The following MEIKIN variants were observed in gnomAD, a reference collection of about 807,000 sequenced individuals.
The protein encoded by MEIKIN is meiotic kinetochore factor.
At chr5:131,837,267 G>A (rs566040670) in intron 11 of MEIKIN, among the ~76,000 whole-genome samples, 1 of 152,272 alleles carries the variant, frequency 6.6e-6, no homozygotes, top group East Asian at 1.9e-4. Flanking sequence ...CTATAGTCCT[G>A]TAGTATAGTT....
intron 8 of MEIKIN, among the ~76,000 whole-genome samples, chr5:131,887,329 G>T (rs545823880): frequency 1.1e-3 from 172 of 152,266 alleles, no homozygotes; most frequent in African/African-American, 4.0e-3. Flanking sequence ...ATAGTAGCAT[G>T]ATTTATAACC....
intron 9 of MEIKIN, among the ~76,000 whole-genome samples, chr5:131,874,274 G>A (rs1750566589): frequency 6.6e-6 from 1 of 152,038 alleles, no homozygotes; most frequent in Non-Finnish European, 1.5e-5. Context: ...AGAAAAGAGA[G>A]AAGAATCAAA....
intron 12 of MEIKIN, among the ~76,000 whole-genome samples, chr5:131,813,959 G>A (rs1041152276): frequency 6.6e-6 from 1 of 152,130 alleles, no homozygotes; most frequent in African/African-American, 2.4e-5. Flanking sequence ...TGAAAAACTT[G>A]GAGTTCGATG....
intron 8 of MEIKIN, among the ~76,000 whole-genome samples, chr5:131,892,896 G>A (rs1186832863): frequency 6.6e-6 from 1 of 152,064 alleles, no homozygotes; most frequent in African/African-American, 2.4e-5. Context: ...GGTTTTTGGT[G>A]CGGATGTCCT....
At chr5:131,928,330 G>A (rs971040932) in intron 5 of MEIKIN, among the ~76,000 whole-genome samples, 1 of 151,980 alleles carries the variant, frequency 6.6e-6, no homozygotes, top group African/African-American at 2.4e-5. Context: ...TAATTCTTTT[G>A]TCCCTTTTTC....
At chr5:131,938,930 A>G (rs1751826765) in intron 4 of MEIKIN, among the ~76,000 whole-genome samples, 1 of 152,238 alleles carries the variant, frequency 6.6e-6, no homozygotes, top group Admixed American at 6.5e-5. Context: ...GTATTTAGAC[A>G]GGGACCAGGC....
chr5:131,858,190 G>C (rs901917350), intron 9 of MEIKIN, among the ~76,000 whole-genome samples: 8 of 152,206 alleles, frequency 5.3e-5, no homozygotes, highest in African/African-American at 1.4e-4. Flanking sequence ...TAGGAATGCT[G>C]AGCTGAGCTC....
At chr5:131,845,282 A>AG (rs1257649390) in intron 11 of MEIKIN, among the ~76,000 whole-genome samples, 1 of 149,008 alleles carries the variant, frequency 6.7e-6, no homozygotes, top group Non-Finnish European at 1.5e-5. Context: ...TAAAAAAAAA[A>AG]AAAAAAAAAA....
At chr5:131,901,610 G>A (rs552198822) in intron 8 of MEIKIN, among the ~76,000 whole-genome samples, 62 of 152,352 alleles carry the variant, frequency 4.1e-4, no homozygotes, top group Non-Finnish European at 7.9e-4. Flanking sequence ...GTGACCAGCA[G>A]TCTGGGAACA....
intron 4 of MEIKIN, among the ~76,000 whole-genome samples, chr5:131,942,419 C>A (rs1369046388): frequency 6.6e-6 from 1 of 152,222 alleles, no homozygotes; most frequent in Admixed American, 6.5e-5. Context: ...TCAAGTCAAT[C>A]TCTTTTACAG....
Position 131,858,103 on chromosome 5 carries a change from G to C in MEIKIN, c.775-3269C>G, listed in dbSNP as rs146934858. Among the ~76,000 whole-genome samples, 2 of 152,174 alleles carry C rather than the reference G, an allele frequency of 1.3e-5. 1 individual carries two copies. Among genetic ancestry groups the C allele is most frequent in the Middle Eastern group, 6.3e-3 (2 of 316 alleles). ...GAACACCGGGCCCCTCCAGTGCAGC[G>C]AGTTCCTAAGCTCCTGAGACCAGAG... On this transcript the variant is annotated intron_variant, in intron 9 of 12. Transcript: ENST00000442687.
rs527741560 is a variant in MEIKIN at position 131,917,063 on chromosome 5, G to T, written c.599-138C>A. Reference sequence around the variant, plus strand: ...GTTTTTATGTCTGCCACTTAAATTAGGTAAAAATATTTTCAAAATATCAAA... The same window carrying T: ...GTTTTTATGTCTGCCACTTAAATTATGTAAAAATATTTTCAAAATATCAAA... On this transcript the variant is annotated intron_variant, in intron 6 of 12. Transcript: ENST00000442687. The T allele has an allele frequency of 4.3e-5, 16 of 370,740 alleles. No homozygotes were observed. In the Admixed American group the frequency reaches 7.4e-4, roughly 17 times the overall value. 23.0% of individuals were successfully genotyped at this position (370,740 alleles called of 1,614,324 possible).
chr5:131,887,800 T>C (rs1355905791), intron 8 of MEIKIN, among the ~76,000 whole-genome samples: 4 of 151,768 alleles, frequency 2.6e-5, no homozygotes, highest in Non-Finnish European at 5.9e-5. Flanking sequence ...GTTGGTGTGC[T>C]GCACCCATTA....
At chr5:131,910,069 T>G (rs56801606) in intron 8 of MEIKIN, among the ~76,000 whole-genome samples, 4,044 of 152,110 alleles carry the variant, frequency 0.027, 188 homozygotes, top group African/African-American at 0.092. Context: ...TACTGCTGAG[T>G]ATATACGCAA....
chr5:131,842,415 T>G lies in MEIKIN; in HGVS notation c.975+8849A>C, dbSNP rs145270633. Among the ~76,000 whole-genome samples the G allele has an allele frequency of 3.2e-3, 482 of 152,314 alleles. 3 individuals carry two copies. The highest frequency in any genetic ancestry group is 0.011 in the African/African-American group (459 of 41,568). Reference sequence around the variant, plus strand: ...GAAGAAACTTTCAGCTTTTTATCATTGAGTATATTAGTTGTGGGCTTATCA... The same window carrying G: ...GAAGAAACTTTCAGCTTTTTATCATGGAGTATATTAGTTGTGGGCTTATCA... On this transcript the variant is annotated intron_variant, in intron 11 of 12. Coordinates refer to ENST00000442687, the MANE Select transcript of MEIKIN (RefSeq NM_001303622.2).
intron 10 of MEIKIN, among the ~76,000 whole-genome samples, chr5:131,853,400 C>G (rs1014671991): frequency 6.6e-6 from 1 of 152,140 alleles, no homozygotes; most frequent in Non-Finnish European, 1.5e-5. Context: ...ATTGCTCACA[C>G]TGAAGAGGAA....
chr5:131,814,005 T>C (rs1443141095), intron 12 of MEIKIN, among the ~76,000 whole-genome samples: 2 of 152,020 alleles, frequency 1.3e-5, no homozygotes, highest in African/African-American at 4.8e-5. Flanking sequence ...CAGAGAAAGA[T>C]GTAGGTTGGG....
chr5:131,818,278 C>T (rs1275922314), intron 12 of MEIKIN, among the ~76,000 whole-genome samples: 1 of 152,142 alleles, frequency 6.6e-6, no homozygotes, highest in Non-Finnish European at 1.5e-5. Flanking sequence ...CAAAACAATA[C>T]TAAATTTCAC....
chr5:131,841,371 T>C (rs1483976666), intron 11 of MEIKIN, among the ~76,000 whole-genome samples: 1 of 152,172 alleles, frequency 6.6e-6, no homozygotes, highest in Non-Finnish European at 1.5e-5. Flanking sequence ...GTGGGGCACA[T>C]ACTCATCAGC....
Sources: gnomAD v4.1 joint callset for allele counts (sites outside exome capture counted in the v4.1 genomes callset) on GRCh38, gnomAD v4.1.1 for gene constraint, MANE v1.5 for transcripts, NCBI Gene and HGNC (gene_info 2026-07-23, HGNC 2026-07-21) for gene names.